The following MGMT variants were observed in gnomAD, a reference collection of about 807,000 sequenced individuals.
MGMT encodes the protein O-6-methylguanine-DNA methyltransferase.
In MGMT, 14 loss-of-function variants were observed where a neutral mutation model predicts 15.9. The observed-to-expected ratio is 0.88, with a 90% CI of 0.58 to 1.37. The LOEUF is 1.37. MGMT is among the 40% of genes most tolerant of loss of function. The probability of loss-of-function intolerance (pLI) is 0.00; values close to 1 mark genes in which losing one functional copy is unlikely to be tolerated. For synonymous variants in MGMT, 130 were observed against 118.2 expected (o/e 1.10, Z -0.65); for missense variants, 282 against 268.1 (o/e 1.05, Z -0.36).
At chr10:129,738,949 A>C (rs1257071753) in intron 3 of MGMT, among the ~76,000 whole-genome samples, 1 of 152,220 alleles carries the variant, frequency 6.6e-6, no homozygotes, top group Non-Finnish European at 1.5e-5. Context: ...CAAAAAGTTT[A>C]TCCACCACCA....
intron 2 of MGMT, among the ~76,000 whole-genome samples, chr10:129,623,685 C>T (rs563727603): frequency 1.4e-4 from 22 of 152,252 alleles, no homozygotes; most frequent in Middle Eastern, 3.4e-3. Context: ...TGCACCACCA[C>T]GCCTGGCTAA....
chr10:129,507,355 C>A (rs12249421), intron 1 of MGMT, among the ~76,000 whole-genome samples: 10,460 of 152,178 alleles, frequency 0.069, 1,205 homozygotes, highest in African/African-American at 0.24. Flanking sequence ...CTGGAGACAT[C>A]GCAGTGGTCT....
chr10:129,536,601 C>A (rs1589855501), intron 2 of MGMT: 1 of 514,554 alleles, frequency 1.9e-6, no homozygotes, highest in South Asian at 3.2e-5. Flanking sequence ...GAACCCAGGG[C>A]CGTTCCCTTC....
chr10:129,586,561 T>A (rs1846620516), intron 2 of MGMT, among the ~76,000 whole-genome samples: 1 of 152,238 alleles, frequency 6.6e-6, no homozygotes. Flanking sequence ...GTTGCATGTG[T>A]CAGCGGTTGA....
At chr10:129,720,579 G>A (rs972208383) in intron 3 of MGMT, among the ~76,000 whole-genome samples, 2 of 152,224 alleles carry the variant, frequency 1.3e-5, no homozygotes, top group Non-Finnish European at 2.9e-5. Flanking sequence ...CAGCAAGTAA[G>A]GGGAATGGAG....
At chr10:129,634,116 G>A (rs1270782880) in intron 2 of MGMT, among the ~76,000 whole-genome samples, 2 of 152,240 alleles carry the variant, frequency 1.3e-5, no homozygotes, top group African/African-American at 4.8e-5. Context: ...TTCACTGGGT[G>A]TAGAATTCTA....
chr10:129,708,136 C>A, intron 3 of MGMT, 93 bp downstream of exon 3: 2 of 1,477,330 alleles, frequency 1.4e-6, no homozygotes, highest in Non-Finnish European at 1.8e-6. Flanking sequence ...AGTATACCAA[C>A]TTGGTATTTT....
intron 2 of MGMT, among the ~76,000 whole-genome samples, chr10:129,646,740 A>ATTT (rs1278309872): frequency 4.5e-5 from 4 of 87,932 alleles, no homozygotes; most frequent in Non-Finnish European, 1.0e-4. Flanking sequence ...ATATATATAT[A>ATTT]TATATATATA....
At chr10:129,691,376 A>G (rs1381798143) in intron 2 of MGMT, among the ~76,000 whole-genome samples, 2 of 152,200 alleles carry the variant, frequency 1.3e-5, no homozygotes, top group African/African-American at 2.4e-5. Flanking sequence ...GACTTGGGAG[A>G]GGCGGAGAGC....
chr10:129,759,287 G>T lies in MGMT; in HGVS notation c.360G>T (p.Leu120=), dbSNP rs1010482118. Residue 120 remains leucine (L), a synonymous_variant, in exon 4 of 5, where the codon CTG becomes CTT. Coordinates refer to ENST00000651593, the MANE Select transcript of MGMT (RefSeq NM_002412.5). ...TTTCTTACCAGCAATTAGCAGCCCT[G>T]GCAGGCAACCCCAAAGCCGCGCGAG... ...EVISYQQLAA[L]AGNPKAARAV... 6.2e-7 allele frequency: 1 copy of T among 1,614,188 alleles called. No homozygotes were observed. The highest frequency in any genetic ancestry group is 1.7e-5 in the Admixed American group (1 of 60,030).
intron 1 of MGMT, among the ~76,000 whole-genome samples, chr10:129,516,783 G>A (rs566891612): frequency 6.6e-6 from 1 of 151,942 alleles, no homozygotes; most frequent in Admixed American, 6.5e-5. Context: ...CGGTATTCTT[G>A]GCACCTGCTC....
intron 2 of MGMT, among the ~76,000 whole-genome samples, chr10:129,629,597 C>G (rs867652667): frequency 1.3e-5 from 2 of 152,208 alleles, no homozygotes; most frequent in African/African-American, 4.8e-5. Flanking sequence ...ACCTCGGCAC[C>G]TTCGCGTTGA....
At chr10:129,701,048 G>C (rs970342464) in intron 2 of MGMT, 1 of 152,266 alleles carries the variant, frequency 6.6e-6, no homozygotes, top group Non-Finnish European at 1.5e-5. Flanking sequence ...CTCACTAGCT[G>C]GGTTTGGAAA....
intron 4 of MGMT, among the ~76,000 whole-genome samples, chr10:129,765,540 G>A (rs938886321): frequency 6.6e-6 from 1 of 152,204 alleles, no homozygotes; most frequent in African/African-American, 2.4e-5. Context: ...AGCTTTATTA[G>A]GGTAAAAGCG....
chr10:129,602,718 C>T (rs1409585405), intron 2 of MGMT, among the ~76,000 whole-genome samples: 1 of 152,084 alleles, frequency 6.6e-6, no homozygotes, highest in Non-Finnish European at 1.5e-5. Context: ...CCCGGCATTA[C>T]CTGGGGGCTG....
intron 1 of MGMT, among the ~76,000 whole-genome samples, chr10:129,507,385 AT>A (rs919824550): frequency 6.6e-6 from 1 of 152,274 alleles, no homozygotes; most frequent in Admixed American, 6.5e-5. Context: ...GCACACAGAC[AT>A]TTCCCAGTTT....
intron 1 of MGMT, among the ~76,000 whole-genome samples, chr10:129,484,941 A>G (rs954727647): frequency 2.6e-5 from 4 of 151,732 alleles, no homozygotes; most frequent in Non-Finnish European, 5.9e-5. Flanking sequence ...ATATATATGT[A>G]TGTGTGTATT....
At chr10:129,487,360 A>G (rs1015783974) in intron 1 of MGMT, among the ~76,000 whole-genome samples, 8 of 152,110 alleles carry the variant, frequency 5.3e-5, no homozygotes, top group Non-Finnish European at 1.2e-4. Context: ...TGGGGTTGCT[A>G]GGAAGTAAAG....
At chr10:129,666,320 T>C (rs1035795315) in intron 2 of MGMT, among the ~76,000 whole-genome samples, 3 of 152,222 alleles carry the variant, frequency 2.0e-5, no homozygotes, top group South Asian at 2.1e-4. Context: ...TCAGGGTGCA[T>C]TCACTATGTA....
Sources: gnomAD v4.1 joint callset for allele counts (sites outside exome capture counted in the v4.1 genomes callset) on GRCh38, gnomAD v4.1.1 for gene constraint, MANE v1.5 for transcripts, NCBI Gene and HGNC (gene_info 2026-07-23, HGNC 2026-07-21) for gene names.